The following JHY variants were observed in gnomAD, a reference collection of about 807,000 sequenced individuals.
JHY encodes junctional cadherin complex regulator.
A neutral mutation model predicts 78.0 loss-of-function variants in JHY; 69 were observed. The ratio of observed to expected loss-of-function variants is 0.88; its 90% CI spans 0.73 to 1.08. The LOEUF is 1.08. JHY is among the 50% of genes least tolerant of loss of function. The pLI is 0.00. For synonymous variants in JHY, 368 were observed against 342.6 expected, an observed-to-expected ratio of 1.07 and a Z score of -0.82; for missense variants, 944 against 927.8, an observed-to-expected ratio of 1.02 and a Z score of -0.23.
chr11:122,932,903 A>G (rs557219596), intron 4 of JHY, among the ~76,000 whole-genome samples: 53 of 152,336 alleles, frequency 3.5e-4, no homozygotes, highest in African/African-American at 1.3e-3. Flanking sequence ...CACCACAGGT[A>G]AAAATTTAAA....
In JHY at chr11:122,882,940, T is replaced by A. The variant is rs1862411789; in HGVS notation, c.-122T>A. ...GCGGCGCGGGAGGATGCGGGGCCCG[T>A]CCGGGTCGCGGCCGCGGAGGAGCGC... On this transcript the variant is annotated 5_prime_UTR_variant, in exon 1 of 9. Coordinates refer to ENST00000227349, the MANE Select transcript of JHY (RefSeq NM_024806.4). 1 of 151,464 alleles carries A rather than the reference T, an allele frequency of 6.6e-6. No individual in the cohort carries two copies. The highest frequency in any genetic ancestry group is 6.6e-5 in the Admixed American group (1 of 15,108). 9.4% of individuals were successfully genotyped at this position (151,464 alleles called of 1,614,324 possible).
chr11:122,932,002 A>G (rs1228764588), intron 4 of JHY, among the ~76,000 whole-genome samples: 1 of 152,222 alleles, frequency 6.6e-6, no homozygotes, highest in African/African-American at 2.4e-5. Context: ...AGTTATTCTA[A>G]GTGCATGGAG....
chr11:122,892,615 C>G (rs1225651919), intron 2 of JHY, among the ~76,000 whole-genome samples: 1 of 152,160 alleles, frequency 6.6e-6, no homozygotes, highest in Non-Finnish European at 1.5e-5. Flanking sequence ...AGCCACCGCG[C>G]CTGGCCAATA....
intron 4 of JHY, among the ~76,000 whole-genome samples, chr11:122,926,584 T>C (rs1863512758): frequency 6.6e-6 from 1 of 152,216 alleles, no homozygotes; most frequent in Non-Finnish European, 1.5e-5. Flanking sequence ...GTTGAGAGGA[T>C]GGCGACTGAA....
In JHY at chr11:122,961,901, CCAA is replaced by C. The variant is rs1864323846; in HGVS notation, c.*2460_*2462del. On this transcript the variant is annotated 3_prime_UTR_variant, in exon 9 of 9. Transcript: ENST00000227349. ...CATCAAGACATTAGTTAGAAACCCT[CCAA>C]CAAGTCCAGAAACACCTAATGCAGG... is the stretch of plus-strand genomic sequence containing the variant. Among the ~76,000 whole-genome samples the C allele has an allele frequency of 6.6e-6, 1 of 152,186 alleles. No homozygotes were observed. Among genetic ancestry groups the C allele is most frequent in the African/African-American group, 2.4e-5 (1 of 41,446 alleles).
Position 122,924,900 on chromosome 11 carries a change from T to A in JHY, c.868T>A (p.Ser290Thr), listed in dbSNP as rs1380365724. The change falls in exon 4 of 9, where the codon TCC (serine) becomes ACC (threonine). Residue 290 changes from serine to threonine, a missense_variant. Coordinates refer to ENST00000227349, the MANE Select transcript of JHY (RefSeq NM_024806.4). ...KRGESHPEQISYPVRVTDKTS... is the reference protein window; with the variant it reads ...KRGESHPEQITYPVRVTDKTS... ...TGTATGTGTTTTACCTACCTAGATCTCCTACCCCGTCAGAGTAACAGACAA... is the reference window on the plus strand; with the variant it reads ...TGTATGTGTTTTACCTACCTAGATCACCTACCCCGTCAGAGTAACAGACAA... The A allele has an allele frequency of 1.2e-6, 2 of 1,612,046 alleles. No homozygotes were observed. Among genetic ancestry groups the A allele is most frequent in the Non-Finnish European group, 8.5e-7 (1 of 1,178,192 alleles).
chr11:122,959,302 C>T lies in JHY; in HGVS notation c.2194C>T (p.Gln732Ter). Residue 732 changes from glutamine to a stop codon, truncating the protein, a stop_gained, in exon 9 of 9, where the codon CAA becomes TAA. Coordinates refer to ENST00000227349, the MANE Select transcript of JHY (RefSeq NM_024806.4). LOFTEE classifies it high-confidence loss of function. ...ACCCAAACCATCAAATCTGACTCATCAAGCATCAAAGGAACAAAAAAATCC... is the reference window on the plus strand; with the variant it reads ...ACCCAAACCATCAAATCTGACTCATTAAGCATCAAAGGAACAAAAAAATCC... ...PKPKPSNLTHQASKEQKNPTY... is the reference protein window; with the variant it reads ...PKPKPSNLTH 1 of 1,614,142 alleles carries T rather than the reference C, an allele frequency of 6.2e-7. No individual in the cohort carries two copies. The highest frequency in any genetic ancestry group is 8.5e-7 in the Non-Finnish European group (1 of 1,180,032).
intron 5 of JHY, 86 bp from the exon 6 acceptor site, chr11:122,946,412 T>C (rs1005419546): frequency 7.3e-7 from 1 of 1,376,152 alleles, no homozygotes. Context: ...ATACATCAAA[T>C]TAATGGTTCA....
rs140506777 is a variant in JHY, at chr11:122,956,497, A to T, written c.1931A>T (p.Asn644Ile). Residue 644 changes from asparagine to isoleucine, a missense_variant and splice_region_variant, in exon 7 of 9, where the codon AAC (asparagine) becomes ATC (isoleucine). Coordinates refer to ENST00000227349, the MANE Select transcript of JHY (RefSeq NM_024806.4). ...CTGTTTCTGTGGTTGTATTTTTAGA[A>T]CACCAAGCTGAAAGGTTATCAGAAA... ...KKHKKRSSSKNTKLKGYQKRD... is the reference protein window; with the variant it reads ...KKHKKRSSSKITKLKGYQKRD... The T allele has an allele frequency of 4.1e-5, 66 of 1,613,290 alleles. No individual in the cohort carries two copies. The East Asian group carries it at 1.5e-3, about 36-fold the overall frequency.
Position 122,903,951 on chromosome 11 carries a change from C to T in JHY, c.371C>T (p.Ser124Leu). 1 of 1,600,794 alleles carries T rather than the reference C, an allele frequency of 6.2e-7. No homozygotes were observed. ...NRQQPIEDKY[S>L]DLRYDPNWKS... The stretch of plus-strand genomic sequence containing the variant: ...CAACAACCAATAGAAGACAAATATT[C>T]AGACCTCCGCTATGACCCGAACTGG... The change falls in exon 3 of 9, where the codon TCA becomes TTA. Residue 124 changes from serine (S) to leucine (L), a missense_variant. Transcript: ENST00000227349.
intron 4 of JHY, among the ~76,000 whole-genome samples, chr11:122,933,140 T>C (rs907148590): frequency 3.9e-5 from 6 of 152,210 alleles, no homozygotes; most frequent in Admixed American, 2.6e-4. Flanking sequence ...GGATGAGTCT[T>C]AGTGGTTGTA....
In JHY at chr11:122,946,727, A is replaced by G. The variant is rs1207391518; in HGVS notation, c.1864A>G (p.Asn622Asp). The part of the protein sequence containing the change: ...QRNQVKISRS[N>D]SEGYLFQLEK... ...AAACCAAGTGAAAATTAGCCGTAGC[A>G]ATTCTGAAGGCTATCTGTTTCAACT... Residue 622 changes from asparagine (N) to aspartate (D), a missense_variant, in exon 6 of 9, where the codon AAT (asparagine) becomes GAT (aspartate). Asn to Asp is a conservative substitution (Grantham distance 23, BLOSUM62 1). Coordinates refer to ENST00000227349, the MANE Select transcript of JHY (RefSeq NM_024806.4). 6.2e-7 allele frequency: 1 copy of G among 1,614,182 alleles called. No homozygotes were observed. The highest frequency in any genetic ancestry group is 8.5e-7 in the Non-Finnish European group (1 of 1,180,024).
At chr11:122,910,452 A>G (rs1863090386) in intron 3 of JHY, among the ~76,000 whole-genome samples, 1 of 151,986 alleles carries the variant, frequency 6.6e-6, no homozygotes, top group Non-Finnish European at 1.5e-5. Context: ...CCTGGGCGAC[A>G]GAGTGAGATT....
At chr11:122,930,686 C>T (rs1009831257) in intron 4 of JHY, among the ~76,000 whole-genome samples, 2 of 152,162 alleles carry the variant, frequency 1.3e-5, no homozygotes, top group Admixed American at 6.5e-5. Context: ...TGAATCGCTT[C>T]GCACTTGCCT....
chr11:122,903,867 TATA>T, intron 2 of JHY, 55 bp from the exon 3 acceptor site: 1 of 1,508,262 alleles, frequency 6.6e-7, no homozygotes. Context: ...TTCAACTGAC[TATA>T]ATGAGTGAAT....
intron 3 of JHY, among the ~76,000 whole-genome samples, chr11:122,914,713 G>T (rs556400631): frequency 1.9e-4 from 29 of 152,230 alleles, no homozygotes; most frequent in Middle Eastern, 6.8e-3. Flanking sequence ...AAAGTGCTTG[G>T]ATTACAGGTG....
Position 122,959,812 on chromosome 11 carries a change from A to T in JHY, c.*367A>T. Reference sequence around the variant, plus strand: ...ATAAATGTAGCTGTGTTTCTCTCTTACCTTCCTAGTAAGAAAAACAAGTAT... The same window carrying T: ...ATAAATGTAGCTGTGTTTCTCTCTTTCCTTCCTAGTAAGAAAAACAAGTAT... On this transcript the variant is annotated 3_prime_UTR_variant, in exon 9 of 9. Transcript: ENST00000227349. 1 of 171,262 alleles carries T rather than the reference A, an allele frequency of 5.8e-6. No individual in the cohort carries two copies. Among genetic ancestry groups the T allele is most frequent in the Non-Finnish European group, 1.2e-5 (1 of 81,138 alleles). 10.6% of individuals were successfully genotyped at this position (171,262 alleles called of 1,614,324 possible).
chr11:122,927,830 A>T (rs1236108314), intron 4 of JHY, among the ~76,000 whole-genome samples: 2 of 150,166 alleles, frequency 1.3e-5, no homozygotes, highest in African/African-American at 4.9e-5. Flanking sequence ...TCCTGGGTTC[A>T]AGCGATTCTC....
At position 122,960,693 on chromosome 11, in the gene JHY, G is replaced by A. The variant is rs1864294771; in HGVS notation, c.*1248G>A. ...AATTTAAAAATATGGTGCCTCTATT[G>A]GAGAATCTGCTTATCAACTCAATGA... On this transcript the variant is annotated 3_prime_UTR_variant, in exon 9 of 9. Transcript: ENST00000227349. 2.5e-6 allele frequency: 1 copy of A among 401,326 alleles called. No homozygotes were observed. Among genetic ancestry groups the A allele is most frequent in the Non-Finnish European group, 5.0e-6 (1 of 199,790 alleles). The allele number at this position is 401,326 out of a possible 1,614,324, so 24.9% of individuals were successfully genotyped here.
Sources: allele counts gnomAD v4.1 joint callset (sites outside exome capture counted in the v4.1 genomes callset), GRCh38; gene constraint gnomAD v4.1.1; transcripts MANE v1.5; gene names NCBI Gene and HGNC (gene_info 2026-07-23, HGNC 2026-07-21).